KCNMA1: variants seen among roughly 807,000 people sequenced by gnomAD.
The protein encoded by KCNMA1 is potassium calcium-activated channel subfamily M alpha 1, also known as Calcium-activated potassium channel subunit alpha-1.
Under a neutral mutation model 140.0 loss-of-function variants are expected in KCNMA1, and 29 were observed. That is an observed-to-expected ratio of 0.21 (90% CI 0.15 to 0.28). The LOEUF (loss-of-function observed/expected upper bound fraction) is 0.28, where lower values mean the gene tolerates loss of function less well. KCNMA1 is among the 10% of genes least tolerant of loss of function. KCNMA1 has a pLI of 1.00. For synonymous variants in KCNMA1, 612 were observed against 611.9 expected (o/e 1.00, Z 0.00); for missense variants, 880 against 1,602.2 (o/e 0.55, Z 7.70).
chr10:77,111,436 T>C (rs1294119813), intron 7 of KCNMA1, among the ~76,000 whole-genome samples: 2 of 152,232 alleles, frequency 1.3e-5, no homozygotes, highest in African/African-American at 4.8e-5. Flanking sequence ...GTCATCATCT[T>C]ATTAAAGACA....
chr10:76,969,194 C>A (rs1592272431), intron 20 of KCNMA1, among the ~76,000 whole-genome samples: 2 of 145,946 alleles, frequency 1.4e-5, no homozygotes, highest in Non-Finnish European at 3.0e-5. Flanking sequence ...AATTTGACTT[C>A]ACTTGCTATT....
At chr10:77,375,372 G>C (rs574879836) in intron 2 of KCNMA1, among the ~76,000 whole-genome samples, 1 of 152,150 alleles carries the variant, frequency 6.6e-6, no homozygotes, top group South Asian at 2.1e-4. Context: ...ACCCCTAGGA[G>C]CTACTCAACA....
intron 6 of KCNMA1, among the ~76,000 whole-genome samples, chr10:77,118,964 C>A (rs149928288): frequency 1.3e-5 from 2 of 152,316 alleles, no homozygotes; most frequent in African/African-American, 4.8e-5. Flanking sequence ...GCAAAAAGCA[C>A]CCTCTAACAA....
At chr10:77,034,131 C>T (rs1280734951) in intron 15 of KCNMA1, among the ~76,000 whole-genome samples, 1 of 151,452 alleles carries the variant, frequency 6.6e-6, no homozygotes, top group Non-Finnish European at 1.5e-5. Context: ...CTAGTCCCAG[C>T]TACTTGGGAG....
intron 17 of KCNMA1, among the ~76,000 whole-genome samples, chr10:77,017,642 TG>T (rs2092304337): frequency 6.6e-6 from 1 of 152,196 alleles, no homozygotes; most frequent in Non-Finnish European, 1.5e-5. Flanking sequence ...TGGCTTAGTT[TG>T]CTAGAGTGGA....
intron 1 of KCNMA1, among the ~76,000 whole-genome samples, chr10:77,595,217 G>A (rs2080480911): frequency 6.6e-6 from 1 of 151,878 alleles, no homozygotes; most frequent in Non-Finnish European, 1.5e-5. Flanking sequence ...CATGGTGGTG[G>A]GCGCCTGTAT....
chr10:77,180,973 A>C (rs867661426), intron 5 of KCNMA1, among the ~76,000 whole-genome samples: 3 of 152,110 alleles, frequency 2.0e-5, no homozygotes, highest in Middle Eastern at 6.8e-3. Context: ...GCATACCAGA[A>C]CTCCTGGCCC....
chr10:76,909,833 T>G, intron 25 of KCNMA1, 133 bp downstream of exon 25: 1 of 912,664 alleles, frequency 1.1e-6, no homozygotes, highest in Non-Finnish European at 1.7e-6. Flanking sequence ...GGGTCTCCCC[T>G]TCTAAGGTGT....
intron 1 of KCNMA1, among the ~76,000 whole-genome samples, chr10:77,469,088 A>T (rs2098096629): frequency 6.6e-6 from 1 of 152,150 alleles, no homozygotes; most frequent in African/African-American, 2.4e-5. Flanking sequence ...GCACTTGCAT[A>T]AGGTTTCTTT....
chr10:77,195,455 G>A (rs1018942702), intron 3 of KCNMA1, among the ~76,000 whole-genome samples: 2 of 152,054 alleles, frequency 1.3e-5, no homozygotes, highest in African/African-American at 4.8e-5. Flanking sequence ...AAATGGCAAT[G>A]ACTTATTAAC....
At chr10:77,077,554 A>G (rs1595440156) in intron 13 of KCNMA1, among the ~76,000 whole-genome samples, 1 of 152,224 alleles carries the variant, frequency 6.6e-6, no homozygotes, top group Non-Finnish European at 1.5e-5. Flanking sequence ...TTTCTTGAAG[A>G]TGCTGCATCA....
At chr10:77,384,224 G>A (rs2095526409) in intron 2 of KCNMA1, among the ~76,000 whole-genome samples, 1 of 152,228 alleles carries the variant, frequency 6.6e-6, no homozygotes, top group Admixed American at 6.5e-5. Context: ...TCTCCCAGTT[G>A]AGAACATGAC....
chr10:76,987,061 C>CTTT (rs36062874), intron 19 of KCNMA1, among the ~76,000 whole-genome samples: 5 of 139,774 alleles, frequency 3.6e-5, no homozygotes, highest in South Asian at 2.3e-4. Flanking sequence ...AGCCTTGAGA[C>CTTT]TTTTTTTTTT....
chr10:77,135,066 G>C (rs553558841), intron 5 of KCNMA1, among the ~76,000 whole-genome samples: 1 of 112,284 alleles, frequency 8.9e-6, no homozygotes, highest in Non-Finnish European at 1.8e-5. Flanking sequence ...ACAACCTACA[G>C]AATGGGAGAA....
chr10:77,281,914 G>A, intron 2 of KCNMA1, among the ~76,000 whole-genome samples: 1 of 152,122 alleles, frequency 6.6e-6, no homozygotes, highest in East Asian at 1.9e-4. Flanking sequence ...TTGGGGAGCG[G>A]ACTGAAGGGA....
chr10:77,468,669 T>G (rs370593296), intron 1 of KCNMA1, among the ~76,000 whole-genome samples: 1 of 152,196 alleles, frequency 6.6e-6, no homozygotes, highest in Admixed American at 6.5e-5. Context: ...ATCTCAGACT[T>G]CTGGCCTCTA....
chr10:76,919,919 A>G (rs904210057), intron 23 of KCNMA1, among the ~76,000 whole-genome samples: 26 of 150,268 alleles, frequency 1.7e-4, no homozygotes, highest in African/African-American at 5.8e-4. Flanking sequence ...TATTTAGTAG[A>G]TTCTTAAAAA....
At chr10:77,480,663 C>T (rs753573922) in intron 1 of KCNMA1, among the ~76,000 whole-genome samples, 9 of 152,118 alleles carry the variant, frequency 5.9e-5, no homozygotes, top group African/African-American at 2.2e-4. Flanking sequence ...CTTTTGAAAC[C>T]GCAGGGACTG....
intron 3 of KCNMA1, among the ~76,000 whole-genome samples, chr10:77,194,955 T>G (rs2039944271): frequency 6.6e-6 from 1 of 152,240 alleles, no homozygotes; most frequent in Non-Finnish European, 1.5e-5. Context: ...CCAGCTTGTT[T>G]AAAGTTACAC....
Sources: allele counts gnomAD v4.1 joint callset (sites outside exome capture counted in the v4.1 genomes callset), GRCh38; gene constraint gnomAD v4.1.1; transcripts MANE v1.5; gene names NCBI Gene and HGNC (gene_info 2026-07-23, HGNC 2026-07-21).